CYTIP: variants seen among roughly 807,000 people sequenced by gnomAD.
CYTIP encodes cytohesin 1 interacting protein, also known as cytohesin-interacting protein.
In CYTIP, 26 loss-of-function variants were observed where a neutral mutation model predicts 43.8. The observed-to-expected ratio is 0.59, with a 90% CI of 0.44 to 0.82. The LOEUF (loss-of-function observed/expected upper bound fraction) is 0.82. CYTIP is among the 40% of genes least tolerant of loss of function. CYTIP has a pLI of 0.00. For synonymous variants in CYTIP, 162 were observed against 162.9 expected, an observed-to-expected ratio of 0.99 and a Z score of 0.04; for missense variants, 426 against 443.1, an observed-to-expected ratio of 0.96 and a Z score of 0.35.
At position 157,443,832 on chromosome 2, in the gene CYTIP, A is replaced by T. The variant is rs750480912; in HGVS notation, c.174+15T>A. ...GAATGTGAACACTCTAAAGGGTACA[A>T]AATAGCAATCATACCTGCTTTCGTC... On this transcript the variant is annotated intron_variant, in intron 1 of 7. Coordinates refer to ENST00000264192, the MANE Select transcript of CYTIP (RefSeq NM_004288.5). 6.2e-7 allele frequency: 1 copy of T among 1,613,468 alleles called. No individual in the cohort carries two copies. Among genetic ancestry groups the T allele is most frequent in the Non-Finnish European group, 8.5e-7 (1 of 1,179,664 alleles).
chr2:157,415,907 A>G lies in CYTIP; in HGVS notation c.850T>C (p.Cys284Arg). 3 of 1,613,892 alleles carry G rather than the reference A, an allele frequency of 1.9e-6. No homozygotes were observed. The highest frequency in any genetic ancestry group is 2.5e-6 in the Non-Finnish European group (3 of 1,179,970). The change falls in exon 8 of 8, where the codon TGC becomes CGC. Residue 284 changes from cysteine (C) to arginine (R), a missense_variant. Transcript: ENST00000264192. ...TCATCCCCCTCCTTGGGGATAAAGC[A>G]CTCATCATCTGTACTCGTCTGCCGA... ...FSRQTSTDDECFIPKEGDDFL... is the reference protein window; with the variant it reads ...FSRQTSTDDERFIPKEGDDFL...
At chr2:157,428,839 C>T (rs972774620) in intron 5 of CYTIP, among the ~76,000 whole-genome samples, 2 of 152,220 alleles carry the variant, frequency 1.3e-5, no homozygotes, top group African/African-American at 4.8e-5. Flanking sequence ...CTCTCACAAA[C>T]ACCCAAAGCA....
chr2:157,441,063 ATGTAAAC>A (rs1211874977), intron 1 of CYTIP, among the ~76,000 whole-genome samples: 7 of 134,490 alleles, frequency 5.2e-5, no homozygotes, highest in Admixed American at 2.3e-4. Context: ...ATAATTCTGA[ATGTAAAC>A]ACCCAATTGA....
In CYTIP at chr2:157,439,799, G is replaced by A. The variant is rs187718544; in HGVS notation, c.174+4048C>T. Among the ~76,000 whole-genome samples, 434 of 152,316 alleles carry A rather than the reference G, an allele frequency of 2.8e-3. 1 individual carries two copies. The highest frequency in any genetic ancestry group is 6.8e-3 in the Middle Eastern group (2 of 294). ...CACTGATACCTAGGGTTGGGCTTAT[G>A]ATCACTCTTCTGTTTTTAGTCAGAT... On this transcript the variant is annotated intron_variant, in intron 1 of 7. Transcript: ENST00000264192.
rs3832067 is a variant in CYTIP, at chr2:157,416,217, CT to C, written c.614-75del. The C allele has an allele frequency of 1.5e-4, 184 of 1,232,000 alleles. No homozygotes were observed. The East Asian group carries it at 4.4e-3, about 29-fold the overall frequency. The allele number at this position is 1,232,000 out of a possible 1,614,324, so 76.3% of individuals were successfully genotyped here. ...AAATAAATACACTACATCAAAACTT[CT>C]CTTTGAATGACACGAGAAAGAGTAA... On this transcript the variant is annotated intron_variant, in intron 7 of 7. Transcript: ENST00000264192.
At chr2:157,432,602 C>G (rs528735377) in intron 3 of CYTIP, among the ~76,000 whole-genome samples, 1 of 152,208 alleles carries the variant, frequency 6.6e-6, no homozygotes, top group East Asian at 1.9e-4. Flanking sequence ...TGCATGAGTC[C>G]AAAGTCTGCA....
In CYTIP at chr2:157,443,966, A is replaced by G. The variant is rs1368756314; in HGVS notation, c.55T>C (p.Cys19Arg). The change falls in exon 1 of 8, where the codon TGC becomes CGC. Residue 19 changes from cysteine (C) to arginine (R), a missense_variant. Cys to Arg is a radical substitution (Grantham distance 180). Transcript: ENST00000264192. ...HSSNGNLADF[C>R]AGPAYSSYST... ...TAAGAGCTATACGCTGGCCCAGCGCAGAAGTCCGCCAAATTGCCATTGCTG... is the reference window on the plus strand; with the variant it reads ...TAAGAGCTATACGCTGGCCCAGCGCGGAAGTCCGCCAAATTGCCATTGCTG... 1.9e-6 allele frequency: 3 copies of G among 1,614,172 alleles called. No homozygotes were observed. The highest frequency in any genetic ancestry group is 1.1e-5 in the South Asian group (1 of 91,088).
At chr2:157,440,162 T>C (rs1462629828) in intron 1 of CYTIP, among the ~76,000 whole-genome samples, 3 of 152,188 alleles carry the variant, frequency 2.0e-5, no homozygotes, top group African/African-American at 4.8e-5. Flanking sequence ...CCCAAAATTA[T>C]GTGCTCTGCT....
At chr2:157,424,146 A>G (rs1192616236) in intron 6 of CYTIP, among the ~76,000 whole-genome samples, 1 of 152,210 alleles carries the variant, frequency 6.6e-6, no homozygotes, top group Non-Finnish European at 1.5e-5. Context: ...AAAAAGAACC[A>G]AAACTCATTC....
chr2:157,444,050 T>C lies in CYTIP; in HGVS notation c.-30A>G. On this transcript the variant is annotated 5_prime_UTR_variant, in exon 1 of 8. The change abolishes an upstream ATG in the 5' untranslated region. Transcript: ENST00000264192. The stretch of plus-strand genomic sequence containing the variant: ...AATAAAGATCACTCCAGCTAGCACA[T>C]GGTTGAGTGGCCTTGCAGGATGGGG... 1.9e-6 allele frequency: 3 copies of C among 1,607,210 alleles called. No individual in the cohort carries two copies. Among genetic ancestry groups the C allele is most frequent in the South Asian group, 1.1e-5 (1 of 90,904 alleles).
At position 157,416,158 on chromosome 2, in the gene CYTIP, C is replaced by T; in HGVS notation, c.614-15G>A. The T allele has an allele frequency of 6.3e-7, 1 of 1,584,092 alleles. No homozygotes were observed. The highest frequency in any genetic ancestry group is 8.6e-7 in the Non-Finnish European group (1 of 1,163,680). On this transcript the variant is annotated splice_polypyrimidine_tract_variant and intron_variant, in intron 7 of 7. Transcript: ENST00000264192. The stretch of plus-strand genomic sequence containing the variant: ...AGCTGCATCACCTAGAGCACAAAGT[C>T]TACTGTGAAATGGATCTGTTCATTA...
intron 6 of CYTIP, among the ~76,000 whole-genome samples, chr2:157,424,175 C>G (rs1685566584): frequency 1.3e-5 from 2 of 152,118 alleles, no homozygotes. Context: ...TAGTTATTAT[C>G]TCTACAGTAA....
intron 7 of CYTIP, among the ~76,000 whole-genome samples, chr2:157,418,032 C>T (rs536105315): frequency 1.2e-4 from 19 of 152,288 alleles, no homozygotes; most frequent in East Asian, 5.8e-4. Flanking sequence ...ATTCATCTTA[C>T]GCATTTATGT....
intron 6 of CYTIP, among the ~76,000 whole-genome samples, chr2:157,424,389 G>C (rs1411778573): frequency 6.6e-6 from 1 of 152,060 alleles, no homozygotes; most frequent in Non-Finnish European, 1.5e-5. Flanking sequence ...TCTAACAGAA[G>C]ATGTATAAGA....
intron 5 of CYTIP, among the ~76,000 whole-genome samples, chr2:157,427,830 A>C (rs1241576877): frequency 6.6e-6 from 1 of 152,170 alleles, no homozygotes; most frequent in Non-Finnish European, 1.5e-5. Flanking sequence ...TGCTGAACAC[A>C]AGGGGCACAA....
At chr2:157,438,650 T>C (rs1685853815) in intron 1 of CYTIP, among the ~76,000 whole-genome samples, 1 of 152,116 alleles carries the variant, frequency 6.6e-6, no homozygotes, top group Non-Finnish European at 1.5e-5. Flanking sequence ...ACCATGAGTA[T>C]GTATGATTAT....
intron 1 of CYTIP, 126 bp downstream of exon 1, chr2:157,443,721 C>T (rs1685952222): frequency 9.8e-7 from 1 of 1,022,836 alleles, no homozygotes; most frequent in Non-Finnish European, 1.4e-6. Context: ...CCTCCTTCAC[C>T]CATAATAATC....
At chr2:157,440,256 G>A (rs893534062) in intron 1 of CYTIP, among the ~76,000 whole-genome samples, 4 of 151,990 alleles carry the variant, frequency 2.6e-5, no homozygotes, top group Admixed American at 6.6e-5. Flanking sequence ...GGATATCAAC[G>A]CTCCACAGAC....
chr2:157,434,335 TC>T, intron 3 of CYTIP, 34 bp downstream of exon 3: 1 of 1,561,388 alleles, frequency 6.4e-7, no homozygotes, highest in Non-Finnish European at 8.8e-7. Flanking sequence ...GCCACTTTCT[TC>T]CTTGGAAGTC....
Sources: allele counts gnomAD v4.1 joint callset (sites outside exome capture counted in the v4.1 genomes callset), GRCh38; gene constraint gnomAD v4.1.1; transcripts MANE v1.5; gene names NCBI Gene and HGNC (gene_info 2026-07-23, HGNC 2026-07-21).